Variants in KCNIP4 observed in about 807,000 individuals in gnomAD.
KCNIP4 encodes Kv channel-interacting protein 4.
In KCNIP4, 12 loss-of-function variants were observed where a neutral mutation model predicts 34.0. That is an observed-to-expected ratio of 0.35 (90% CI 0.23 to 0.57). The LOEUF (loss-of-function observed/expected upper bound fraction) is 0.57, where lower values mean the gene tolerates loss of function less well. Ranked by LOEUF, KCNIP4 falls within the 20% of genes least tolerant of loss-of-function variation. The probability of loss-of-function intolerance (pLI) is 0.83; values close to 1 mark genes in which losing one functional copy is unlikely to be tolerated. For synonymous variants in KCNIP4, 124 were observed against 102.2 expected (o/e 1.21, Z -1.29); for missense variants, 238 against 311.7 (o/e 0.76, Z 1.78).
At chr4:21,023,873 CTCTG>C (rs370123326) in intron 1 of KCNIP4, among the ~76,000 whole-genome samples, 1 of 151,974 alleles carries the variant, frequency 6.6e-6, no homozygotes, top group African/African-American at 2.4e-5. Context: ...CCGAGTGAGA[CTCTG>C]TCTGAAAAAA....
chr4:21,696,517 A>G (rs1362316008), intron 1 of KCNIP4, among the ~76,000 whole-genome samples: 3 of 152,150 alleles, frequency 2.0e-5, no homozygotes, highest in Non-Finnish European at 4.4e-5. Flanking sequence ...ACCAGAATCA[A>G]AGTGTGTGTC....
intron 1 of KCNIP4, among the ~76,000 whole-genome samples, chr4:20,962,530 A>G (rs563657423): frequency 2.0e-5 from 3 of 152,340 alleles, no homozygotes; most frequent in African/African-American, 7.2e-5. Context: ...GATAGTCAGA[A>G]CAAGAGATGT....
chr4:21,375,571 C>T (rs558434416), intron 1 of KCNIP4, among the ~76,000 whole-genome samples: 1 of 130,086 alleles, frequency 7.7e-6, no homozygotes, highest in Non-Finnish European at 1.7e-5. Flanking sequence ...GAATTTTTTT[C>T]TTTTTTTTTT....
intron 1 of KCNIP4, among the ~76,000 whole-genome samples, chr4:21,722,278 C>T (rs1400399763): frequency 6.6e-6 from 1 of 152,108 alleles, no homozygotes; most frequent in Admixed American, 6.6e-5. Flanking sequence ...AAAACAATTC[C>T]AGTGTATGCA....
intron 1 of KCNIP4, among the ~76,000 whole-genome samples, chr4:21,704,755 C>A (rs765556191): frequency 2.0e-5 from 3 of 152,134 alleles, no homozygotes; most frequent in Admixed American, 6.6e-5. Context: ...ATCACTCATA[C>A]ATGGACAGTG....
intron 1 of KCNIP4, among the ~76,000 whole-genome samples, chr4:21,408,088 G>T (rs898453377): frequency 6.6e-6 from 1 of 152,194 alleles, no homozygotes; most frequent in African/African-American, 2.4e-5. Context: ...AACGAAGCCG[G>T]TAGACATTGA....
At chr4:21,183,892 C>A (rs2109330201) in intron 1 of KCNIP4, among the ~76,000 whole-genome samples, 1 of 152,212 alleles carries the variant, frequency 6.6e-6, no homozygotes, top group East Asian at 1.9e-4. Flanking sequence ...TTCTGGTCAC[C>A]CTGTCTACAG....
chr4:20,991,000 T>A (rs2149705860), intron 1 of KCNIP4, among the ~76,000 whole-genome samples: 1 of 152,192 alleles, frequency 6.6e-6, no homozygotes, highest in East Asian at 1.9e-4. Context: ...TGTCGCAATA[T>A]CTCAATAGAA....
At chr4:21,751,086 T>C (rs1717121888) in intron 1 of KCNIP4, among the ~76,000 whole-genome samples, 1 of 152,036 alleles carries the variant, frequency 6.6e-6, no homozygotes. Flanking sequence ...CAGAGGTAGG[T>C]AGGGAAGAGG....
chr4:21,405,471 T>C (rs10026043), intron 1 of KCNIP4, among the ~76,000 whole-genome samples: 10,551 of 152,194 alleles, frequency 0.069, 1,057 homozygotes, highest in African/African-American at 0.22. Flanking sequence ...TCTTTCCTAT[T>C]ATTGGAGCCC....
chr4:21,148,015 G>C (rs1752508844), intron 1 of KCNIP4, among the ~76,000 whole-genome samples: 1 of 140,874 alleles, frequency 7.1e-6, no homozygotes, highest in Non-Finnish European at 1.5e-5. Flanking sequence ...AAAAAATCAA[G>C]TACTATTTTT....
chr4:21,232,415 A>G (rs1758862749), intron 1 of KCNIP4, among the ~76,000 whole-genome samples: 1 of 152,212 alleles, frequency 6.6e-6, no homozygotes, highest in South Asian at 2.1e-4. Flanking sequence ...AAGGAATTCA[A>G]TAAAAGAAAT....
At chr4:20,982,298 A>T (rs896279393) in intron 1 of KCNIP4, among the ~76,000 whole-genome samples, 9 of 152,200 alleles carry the variant, frequency 5.9e-5, no homozygotes, top group African/African-American at 1.4e-4. Flanking sequence ...AACTAAGTCC[A>T]GAGAACCAAA....
chr4:21,393,064 G>A (rs1325882710), intron 1 of KCNIP4, among the ~76,000 whole-genome samples: 2 of 152,132 alleles, frequency 1.3e-5, no homozygotes, highest in Non-Finnish European at 2.9e-5. Flanking sequence ...CAAATTTGTT[G>A]TGATGATGTA....
At position 20,864,295 on chromosome 4, in the gene KCNIP4, C is replaced by T. The variant is rs188655488; in HGVS notation, c.164-13628G>A. ...ACACATATGTATGCATATATGTACA[C>T]ATATGTATGCATATATACATACGTT... On this transcript the variant is annotated intron_variant, in intron 2 of 8. Coordinates refer to ENST00000382152, the MANE Select transcript of KCNIP4 (RefSeq NM_025221.6). 2.8e-4 allele frequency among the ~76,000 whole-genome samples: 43 copies of T among 151,108 alleles called. 1 individual carries two copies. Among genetic ancestry groups the T allele is most frequent in the South Asian group, 1.5e-3 (7 of 4,790 alleles).
intron 1 of KCNIP4, chr4:21,697,566 C>A (rs988846890): frequency 2.3e-5 from 32 of 1,403,326 alleles, no homozygotes; most frequent in Non-Finnish European, 2.9e-5. Context: ...CCTTACAACT[C>A]CTGTGGAATT....
At chr4:21,252,929 T>C (rs1760819797) in intron 1 of KCNIP4, among the ~76,000 whole-genome samples, 1 of 152,108 alleles carries the variant, frequency 6.6e-6, no homozygotes, top group African/African-American at 2.4e-5. Context: ...TCAACTTTCC[T>C]ATCATCTATG....
intron 3 of KCNIP4, among the ~76,000 whole-genome samples, chr4:20,802,903 G>A (rs940980118): frequency 1.2e-4 from 18 of 151,778 alleles, no homozygotes; most frequent in Non-Finnish European, 2.4e-4. Context: ...GTGAAACCCC[G>A]TCTCTACTAA....
At chr4:20,929,744 A>G (rs1730261097) in intron 1 of KCNIP4, among the ~76,000 whole-genome samples, 1 of 151,978 alleles carries the variant, frequency 6.6e-6, no homozygotes, top group Non-Finnish European at 1.5e-5. Flanking sequence ...TAATAACAAC[A>G]TATCTGAAAA....
Sources: gnomAD v4.1 joint callset for allele counts (sites outside exome capture counted in the v4.1 genomes callset) on GRCh38, gnomAD v4.1.1 for gene constraint, MANE v1.5 for transcripts, NCBI Gene and HGNC (gene_info 2026-07-23, HGNC 2026-07-21) for gene names.